FGF10: variants seen among roughly 807,000 people sequenced by gnomAD.
FGF10 encodes fibroblast growth factor 10, also known as FGF-10.
Under a neutral mutation model 19.8 loss-of-function variants are expected in FGF10, and 2 were observed. The ratio of observed to expected loss-of-function variants is 0.10; its 90% CI spans 0.04 to 0.32. The LOEUF is 0.32. Among genes scored for constraint, FGF10 ranks in the 10% least tolerant of loss-of-function variants. The pLI is 1.00. For synonymous variants in FGF10, 112 were observed against 94.0 expected (o/e 1.19, Z -1.10); for missense variants, 191 against 246.3 (o/e 0.78, Z 1.50).
chr5:44,339,220 C>T (rs533875531), intron 1 of FGF10, among the ~76,000 whole-genome samples: 7 of 152,178 alleles, frequency 4.6e-5, no homozygotes, highest in African/African-American at 1.4e-4. Context: ...GTCTTTACAT[C>T]TCAGGTTCTA....
chr5:44,309,118 C>A (rs17234520), intron 2 of FGF10, among the ~76,000 whole-genome samples: 1 of 152,142 alleles, frequency 6.6e-6, no homozygotes, highest in South Asian at 2.1e-4. Flanking sequence ...GACACAGGAT[C>A]TGTTTACAAA....
chr5:44,345,994 G>A (rs181383784), intron 1 of FGF10, among the ~76,000 whole-genome samples: 26 of 151,818 alleles, frequency 1.7e-4, no homozygotes, highest in African/African-American at 5.8e-4. Context: ...TACATCTCCA[G>A]CCTTGACCTA....
At chr5:44,328,515 T>G (rs1351463375) in intron 1 of FGF10, among the ~76,000 whole-genome samples, 1 of 152,204 alleles carries the variant, frequency 6.6e-6, no homozygotes, top group African/African-American at 2.4e-5. Context: ...CCCAGCACTT[T>G]GGGAAGCCAA....
At chr5:44,360,811 C>T (rs1461880612) in intron 1 of FGF10, among the ~76,000 whole-genome samples, 1 of 151,652 alleles carries the variant, frequency 6.6e-6, no homozygotes, top group Non-Finnish European at 1.5e-5. Flanking sequence ...AAGCAAGTCA[C>T]CTGTAGCAAC....
chr5:44,304,921 T>C lies in FGF10; in HGVS notation c.*74A>G, dbSNP rs1262067255. The stretch of plus-strand genomic sequence containing the variant: ...CGTGTCTTTGCCTTTCAATCTACTG[T>C]CTTCATGAAGAATATCCACTATTCT... On this transcript the variant is annotated 3_prime_UTR_variant, in exon 3 of 3. Transcript: ENST00000264664. The C allele has an allele frequency of 5.6e-6, 8 of 1,434,114 alleles. No individual in the cohort carries two copies. Among genetic ancestry groups the C allele is most frequent in the Non-Finnish European group, 7.9e-6 (8 of 1,016,872 alleles). The allele number at this position is 1,434,114 out of a possible 1,614,324, so 88.8% of individuals were successfully genotyped here. A position where few individuals can be genotyped will look rare whatever the true frequency, so the allele number is the denominator to read the frequency against.
At chr5:44,320,800 T>G (rs1469267973) in intron 1 of FGF10, among the ~76,000 whole-genome samples, 1 of 151,910 alleles carries the variant, frequency 6.6e-6, no homozygotes, top group African/African-American at 2.4e-5. Flanking sequence ...GCACAACCTC[T>G]GCCTCCCGGA....
intron 1 of FGF10, among the ~76,000 whole-genome samples, chr5:44,369,848 C>A (rs1390051825): frequency 6.6e-6 from 1 of 152,098 alleles, no homozygotes. Context: ...AATGTGCAAA[C>A]CTGGAATATG....
At chr5:44,382,105 G>A (rs1741996946) in intron 1 of FGF10, among the ~76,000 whole-genome samples, 1 of 152,154 alleles carries the variant, frequency 6.6e-6, no homozygotes, top group Non-Finnish European at 1.5e-5. Flanking sequence ...TATAAAATAA[G>A]GCAATGCTTT....
chr5:44,364,524 G>A (rs894943722), intron 1 of FGF10, among the ~76,000 whole-genome samples: 3 of 151,832 alleles, frequency 2.0e-5, no homozygotes, highest in Non-Finnish European at 4.4e-5. Context: ...CCCAGGGCAG[G>A]CTCCTACCAC....
intron 2 of FGF10, 58 bp from the exon 3 acceptor site, chr5:44,305,250 A>T (rs1740049127): frequency 6.6e-7 from 1 of 1,522,820 alleles, no homozygotes; most frequent in Non-Finnish European, 9.1e-7. Context: ...ATTTCATTTG[A>T]TACAAGCCAT....
chr5:44,359,944 C>T (rs1741436501), intron 1 of FGF10, among the ~76,000 whole-genome samples: 1 of 151,594 alleles, frequency 6.6e-6, no homozygotes, highest in East Asian at 2.0e-4. Flanking sequence ...AGGGTTAGTC[C>T]TGTGATTGTT....
At chr5:44,362,212 C>T (rs534548654) in intron 1 of FGF10, among the ~76,000 whole-genome samples, 1 of 151,662 alleles carries the variant, frequency 6.6e-6, no homozygotes, top group Non-Finnish European at 1.5e-5. Flanking sequence ...ATCATCTGCT[C>T]CATGATGTGT....
chr5:44,314,475 C>T (rs1264208957), intron 1 of FGF10, among the ~76,000 whole-genome samples: 3 of 151,950 alleles, frequency 2.0e-5, no homozygotes, highest in Non-Finnish European at 2.9e-5. Context: ...ATTACAAAAG[C>T]GATTATGACA....
chr5:44,333,726 A>G (rs1740787788), intron 1 of FGF10, among the ~76,000 whole-genome samples: 1 of 152,158 alleles, frequency 6.6e-6, no homozygotes, highest in Non-Finnish European at 1.5e-5. Flanking sequence ...ATGAAGGGGA[A>G]TCCTTCCCCT....
Position 44,353,759 on chromosome 5 carries a change from C to A in FGF10, c.325+34599G>T, listed in dbSNP as rs148365007. ...TTAAGTGACCTATCTACTAAGCCATCAATGGGAAGAGAAAACTCAATAATT... is the reference window on the plus strand; with the variant it reads ...TTAAGTGACCTATCTACTAAGCCATAAATGGGAAGAGAAAACTCAATAATT... On this transcript the variant is annotated intron_variant, in intron 1 of 2. Coordinates refer to ENST00000264664, the MANE Select transcript of FGF10 (RefSeq NM_004465.2). Among the ~76,000 whole-genome samples, 30 of 150,854 alleles carry A rather than the reference C, an allele frequency of 2.0e-4. No individual in the cohort carries two copies. The East Asian group carries it at 5.9e-3, about 30-fold the overall frequency.
intron 1 of FGF10, among the ~76,000 whole-genome samples, chr5:44,325,505 A>G (rs137972537): frequency 0.075 from 11,429 of 152,172 alleles, 549 homozygotes; most frequent in Middle Eastern, 0.11. Context: ...ACAATGATAG[A>G]CTGGATTAAA....
chr5:44,370,373 T>C (rs1741717120), intron 1 of FGF10, among the ~76,000 whole-genome samples: 2 of 152,126 alleles, frequency 1.3e-5, no homozygotes, highest in Admixed American at 1.3e-4. Context: ...TAGTCTCAGA[T>C]AATATAAGTA....
chr5:44,306,098 A>G (rs1740069984), intron 2 of FGF10, among the ~76,000 whole-genome samples: 1 of 152,170 alleles, frequency 6.6e-6, no homozygotes, highest in African/African-American at 2.4e-5. Context: ...AATGATCTCA[A>G]GACTCTGGCT....
chr5:44,340,217 A>G lies in FGF10; in HGVS notation c.326-29687T>C, dbSNP rs77593694. 7.4e-3 allele frequency among the ~76,000 whole-genome samples: 1,120 copies of G among 152,236 alleles called. 11 individuals carry two copies. Among genetic ancestry groups the G allele is most frequent in the African/African-American group, 0.025 (1,059 of 41,560 alleles). On this transcript the variant is annotated intron_variant, in intron 1 of 2. Transcript: ENST00000264664. ...GTGGAGGGGAAAAGCAGGAGTTGGCATCAACACAGAATTTGGGAGGTGAAT... is the reference window on the plus strand; with the variant it reads ...GTGGAGGGGAAAAGCAGGAGTTGGCGTCAACACAGAATTTGGGAGGTGAAT...
Sources: allele counts gnomAD v4.1 joint callset (sites outside exome capture counted in the v4.1 genomes callset), GRCh38; gene constraint gnomAD v4.1.1; transcripts MANE v1.5; gene names NCBI Gene and HGNC (gene_info 2026-07-23, HGNC 2026-07-21).